The following RIF1 variants were observed in gnomAD, a reference collection of about 807,000 sequenced individuals.
The protein encoded by RIF1 is telomere-associated protein RIF1.
Under a neutral mutation model 247.1 loss-of-function variants are expected in RIF1, and 45 were observed. The observed-to-expected ratio is 0.18, with a 90% CI of 0.14 to 0.23. The LOEUF (loss-of-function observed/expected upper bound fraction) is 0.23. Among genes scored for constraint, RIF1 ranks in the 10% least tolerant of loss-of-function variants. The probability of loss-of-function intolerance (pLI) is 1.00; values close to 1 mark genes in which losing one functional copy is unlikely to be tolerated. For missense variants in RIF1, 2,967 were observed against 2,862.5 expected (o/e 1.04, Z -0.83); for synonymous variants, 1,087 against 978.8 (o/e 1.11, Z -2.06).
chr2:151,517,571 C>T, the RIF1 span, among the ~76,000 whole-genome samples: 2 of 152,140 alleles, frequency 1.3e-5, no homozygotes, highest in African/African-American at 2.4e-5. Context: ...TATGCAATTT[C>T]ATCATTGTGT....
intron 13 of RIF1, 72 bp from the exon 14 acceptor site, chr2:151,438,612 G>A (rs1346428450): frequency 3.2e-6 from 3 of 932,602 alleles, no homozygotes; most frequent in Admixed American, 1.7e-5. Flanking sequence ...AGGAAGTAAA[G>A]GGAGAGTGTT....
chr2:151,497,792 GAA>G, intron 10 of RIF1: 1 of 1,538,360 alleles, frequency 6.5e-7, no homozygotes, highest in African/African-American at 1.4e-5. Flanking sequence ...TAAGGATGAG[GAA>G]AAAACACAGT....
At chr2:151,486,595 A>T (rs972956988), downstream of RIF1, 1 of 152,272 alleles carries the variant, frequency 6.6e-6, no homozygotes, top group Non-Finnish European at 1.5e-5. Flanking sequence ...AAGTGGAAAC[A>T]ACTTAAATGC....
At chr2:151,443,801 A>G (rs1325300754) in intron 18 of RIF1, 92 bp downstream of exon 18, 1 of 726,840 alleles carries the variant, frequency 1.4e-6, no homozygotes, top group Non-Finnish European at 2.1e-6. Context: ...GAATTTGAAT[A>G]GAAGATGGTA....
At chr2:151,513,852 A>AGTGGT in the RIF1 span, among the ~76,000 whole-genome samples, 1 of 152,240 alleles carries the variant, frequency 6.6e-6, no homozygotes, top group South Asian at 2.1e-4. Flanking sequence ...GGTAGGATGA[A>AGTGGT]GTGGTGTCTT....
At position 151,464,314 on chromosome 2, in the gene RIF1, A is replaced by T. The variant is rs779268215; in HGVS notation, c.4794A>T (p.Glu1598Asp). 4 of 1,611,608 alleles carry T rather than the reference A, an allele frequency of 2.5e-6. No individual in the cohort carries two copies. In the African/African-American group the frequency reaches 5.4e-5, roughly 22 times the overall value. ...TGAAACAGGAATGTATAAAAGCTGAAAATCAGTCACATGATTATAAAGCAA... is the reference window on the plus strand; with the variant it reads ...TGAAACAGGAATGTATAAAAGCTGATAATCAGTCACATGATTATAAAGCAA... Reference protein sequence around the residue: ...KVVKQECIKAENQSHDYKATS... With the variant: ...KVVKQECIKADNQSHDYKATS... Residue 1598 changes from glutamate (E) to aspartate (D), a missense_variant, in exon 30 of 36, where the codon GAA (glutamate) becomes GAT (aspartate). Around this residue, in one of 7 missense-constraint regions of RIF1, gnomAD observed 2,028 missense variants for 1,825.6 expected, o/e 1.11. Coordinates refer to ENST00000444746, the MANE Select transcript of RIF1 (RefSeq NM_018151.5).
At chr2:151,462,349 A>T (rs377341152) in intron 28 of RIF1, 27 bp downstream of exon 28, 2 of 1,497,882 alleles carry the variant, frequency 1.3e-6, no homozygotes, top group East Asian at 2.3e-5. Context: ...TCAAACTTTT[A>T]TATCTGTTTT....
At chr2:151,506,399 G>T in intron 13 of RIF1, 1 of 649,972 alleles carries the variant, frequency 1.5e-6, no homozygotes, top group Non-Finnish European at 2.7e-6. Flanking sequence ...CATCGCACCT[G>T]ACATTTCCAT....
In RIF1 at chr2:151,464,208, G is replaced by A. The variant is rs1438445531; in HGVS notation, c.4688G>A (p.Gly1563Asp). 6.2e-7 allele frequency: 1 copy of A among 1,613,396 alleles called. No homozygotes were observed. The highest frequency in any genetic ancestry group is 1.3e-5 in the African/African-American group (1 of 74,856). ...GATAGTTCGGAGGCAAAAGAAGAAG[G>A]TTCTAGGAAGAAGAGATCTGGAAAA... ...ESDSSEAKEE[G>D]SRKKRSGKWK... The change falls in exon 30 of 36, where the codon GGT becomes GAT. Residue 1563 changes from glycine to aspartate, a missense_variant. By Grantham distance (94) the Gly-to-Asp change is moderately conservative. Around this residue, in one of 7 missense-constraint regions of RIF1, gnomAD observed 2,028 missense variants for 1,825.6 expected, o/e 1.11. Coordinates refer to ENST00000444746, the MANE Select transcript of RIF1 (RefSeq NM_018151.5).
Position 151,475,786 on chromosome 2 carries a change from A to G in RIF1, c.*715A>G, listed in dbSNP as rs1012321763. ...GATTGTACATTATGTATAGACGACAATGTTTTTAATTTATAAATTTCATTC... is the reference window on the plus strand; with the variant it reads ...GATTGTACATTATGTATAGACGACAGTGTTTTTAATTTATAAATTTCATTC... On this transcript the variant is annotated 3_prime_UTR_variant, in exon 36 of 36. Transcript: ENST00000444746. 1.3e-5 allele frequency: 2 copies of G among 152,604 alleles called. No homozygotes were observed. The highest frequency in any genetic ancestry group is 4.8e-5 in the African/African-American group (2 of 41,436). 9.5% of individuals were successfully genotyped at this position (152,604 alleles called of 1,614,324 possible). A position where few individuals can be genotyped will look rare whatever the true frequency, so the allele number is the denominator to read the frequency against.
intron 11 of RIF1, among the ~76,000 whole-genome samples, chr2:151,500,174 T>C (rs1038477184): frequency 2.0e-5 from 3 of 152,186 alleles, no homozygotes; most frequent in East Asian, 3.8e-4. Flanking sequence ...ATTGAAGGAT[T>C]GTTAGTGAAT....
At chr2:151,415,307 A>G (rs1257220151) in intron 4 of RIF1, among the ~76,000 whole-genome samples, 4 of 150,550 alleles carry the variant, frequency 2.7e-5, no homozygotes, top group South Asian at 2.1e-4. Context: ...AGATCGTGCC[A>G]TTGTACTCTA....
Position 151,460,200 on chromosome 2 carries a change from G to A in RIF1, c.3075+81G>A, listed in dbSNP as rs932350736. On this transcript the variant is annotated intron_variant, in intron 26 of 35. Transcript: ENST00000444746. ...ATACAACTTTAAAAATTGGATGAAAGAACTATAAAAGACTAAATAAAGGTT... is the reference window on the plus strand; with the variant it reads ...ATACAACTTTAAAAATTGGATGAAAAAACTATAAAAGACTAAATAAAGGTT... The A allele has an allele frequency of 3.0e-5, 34 of 1,129,042 alleles. No individual in the cohort carries two copies. In the African/African-American group the frequency reaches 4.7e-4, roughly 16 times the overall value. The allele number at this position is 1,129,042 out of a possible 1,614,324, so 69.9% of individuals were successfully genotyped here. A position where few individuals can be genotyped will look rare whatever the true frequency, so the allele number is the denominator to read the frequency against.
intron 4 of RIF1, among the ~76,000 whole-genome samples, chr2:151,415,432 A>G (rs1687026474): frequency 6.6e-6 from 1 of 151,650 alleles, no homozygotes; most frequent in South Asian, 2.1e-4. Context: ...AAATAATGGT[A>G]TTTGACAAAA....
chr2:151,459,753 C>T (rs1228224569), intron 25 of RIF1, among the ~76,000 whole-genome samples: 1 of 152,134 alleles, frequency 6.6e-6, no homozygotes, highest in African/African-American at 2.4e-5. Context: ...GTTTATGTGA[C>T]ATGTCTCATT....
At chr2:151,506,892 A>G in intron 13 of RIF1, 1 of 1,529,600 alleles carries the variant, frequency 6.5e-7, no homozygotes, top group Non-Finnish European at 9.0e-7. Flanking sequence ...TAAATGCAAA[A>G]TAAATAGTAA....
chr2:151,445,482 G>A, intron 19 of RIF1, 37 bp downstream of exon 19: 1 of 1,007,360 alleles, frequency 9.9e-7, no homozygotes, highest in South Asian at 1.3e-5. Context: ...CGAGGGATTT[G>A]TATTTTTCTG....
At chr2:151,529,126 C>T in the RIF1 span, 1 of 882,932 alleles carries the variant, frequency 1.1e-6, no homozygotes, top group Non-Finnish European at 1.9e-6. Flanking sequence ...AGCTGAATTG[C>T]CTGAAGAGAT....
intron 10 of RIF1, 145 bp from the exon 11 acceptor site, chr2:151,435,318 C>A: frequency 1.7e-6 from 1 of 588,862 alleles, no homozygotes; most frequent in Non-Finnish European, 3.0e-6. Flanking sequence ...TTCCAAATTC[C>A]ACTTTTTAGC....
Sources: gnomAD v4.1 joint callset for allele counts (sites outside exome capture counted in the v4.1 genomes callset) on GRCh38, gnomAD v4.1.1 for gene constraint, gnomAD v4.1.1 regional missense constraint, MANE v1.5 for transcripts, NCBI Gene and HGNC (gene_info 2026-07-23, HGNC 2026-07-21) for gene names.